CEACAM4: variants seen among roughly 807,000 people sequenced by gnomAD.
The protein encoded by CEACAM4 is cell adhesion molecule CEACAM4.
CEACAM4 carries 30 observed loss-of-function variants against 28.7 expected under a neutral mutation model. The ratio of observed to expected loss-of-function variants is 1.05; its 90% confidence interval spans 0.78 to 1.42. The LOEUF (loss-of-function observed/expected upper bound fraction) is 1.42, where lower values mean the gene tolerates loss of function less well. Ranked by LOEUF, CEACAM4 falls within the 40% of genes most tolerant of loss-of-function variation. The pLI is 0.00. For synonymous variants in CEACAM4, 143 were observed against 126.5 expected, an observed-to-expected ratio of 1.13 and a Z score of -0.87; for missense variants, 330 against 308.2, an observed-to-expected ratio of 1.07 and a Z score of -0.53.
Position 41,621,616 on chromosome 19 carries a change from A to C in CEACAM4, c.542+35T>G, listed in dbSNP as rs1555801527. ...CCTCCTCCCTGACTGGGGTCAGCCT[A>C]GGGGTGGGAGGAGGCTGGGGAAAAG... On this transcript the variant is annotated intron_variant, in intron 3 of 6. Transcript: ENST00000221954. The C allele has an allele frequency of 5.8e-6, 7 of 1,217,122 alleles. No homozygotes were observed. In the East Asian group the frequency reaches 1.6e-4, roughly 28 times the overall value. The allele number at this position is 1,217,122 out of a possible 1,614,324, so 75.4% of individuals were successfully genotyped here. A position where few individuals can be genotyped will look rare whatever the true frequency, so the allele number is the denominator to read the frequency against.
At chr19:41,619,562 T>C in intron 6 of CEACAM4, 108 bp downstream of exon 6, 2 of 1,548,444 alleles carry the variant, frequency 1.3e-6, no homozygotes, top group East Asian at 2.4e-5. Context: ...CCACCTGTTC[T>C]CATTTTCACT....
intron 2 of CEACAM4, among the ~76,000 whole-genome samples, chr19:41,624,283 C>T (rs560608399): frequency 1.1e-4 from 16 of 152,274 alleles, no homozygotes; most frequent in Admixed American, 3.3e-4. Context: ...GAGAGAACTA[C>T]GGAGTATGTG....
At chr19:41,624,681 C>T (rs1386213737) in intron 2 of CEACAM4, among the ~76,000 whole-genome samples, 1 of 152,218 alleles carries the variant, frequency 6.6e-6, no homozygotes, top group Non-Finnish European at 1.5e-5. Flanking sequence ...CCTCATGTGA[C>T]TCTGCCAGCT....
chr19:41,620,904 G>T (rs2071242329), intron 3 of CEACAM4, among the ~76,000 whole-genome samples: 2 of 152,018 alleles, frequency 1.3e-5, no homozygotes, highest in South Asian at 4.1e-4. Context: ...GACTCAGGGA[G>T]GGAATCAGAC....
At chr19:41,613,765 G>A in the CEACAM4 span, among the ~76,000 whole-genome samples, 1 of 152,112 alleles carries the variant, frequency 6.6e-6, no homozygotes, top group African/African-American at 2.4e-5. Flanking sequence ...AAGTCCCATA[G>A]GGAGGAGGTC....
At chr19:41,620,681 G>T in intron 3 of CEACAM4, 54 bp from the exon 4 acceptor site, 1 of 1,464,690 alleles carries the variant, frequency 6.8e-7, no homozygotes, top group Non-Finnish European at 9.6e-7. Context: ...ACAGGTTTAG[G>T]GGCAGAATAA....
chr19:41,624,778 G>A (rs565147219), intron 2 of CEACAM4, among the ~76,000 whole-genome samples: 3 of 152,188 alleles, frequency 2.0e-5, no homozygotes, highest in Non-Finnish European at 2.9e-5. Context: ...ATGGTCTGAG[G>A]CTTGCCACTT....
At position 41,625,872 on chromosome 19, in the gene CEACAM4, A is replaced by C. The variant is rs536954513; in HGVS notation, c.153T>G (p.Val51=). 43 of 1,613,988 alleles carry C rather than the reference A, an allele frequency of 2.7e-5. No homozygotes were observed. In the East Asian group the frequency reaches 6.5e-4, roughly 24 times the overall value. The change falls in exon 2 of 7, where the codon GTT becomes GTG. Residue 51 remains valine, a synonymous_variant. Coordinates refer to ENST00000221954, the MANE Select transcript of CEACAM4 (RefSeq NM_001817.4). The part of the protein sequence containing the change: ...LPSSAAEGKD[V]LLLACNISET... ...CTGAAATATTGCAGGCCAGTAGAAGAACATCCTTTCCCTCTGCAGCACTGG... is the reference window on the plus strand; with the variant it reads ...CTGAAATATTGCAGGCCAGTAGAAGCACATCCTTTCCCTCTGCAGCACTGG...
chr19:41,626,055 A>T (rs2071629311), intron 1 of CEACAM4, 95 bp from the exon 2 acceptor site: 1 of 1,033,272 alleles, frequency 9.7e-7, no homozygotes, highest in Non-Finnish European at 1.4e-6. Flanking sequence ...CTCATCCCTC[A>T]GCCTTGGAGT....
rs139084899 is a variant in CEACAM4, at chr19:41,620,770, G to A, written c.543-143C>T. On this transcript the variant is annotated intron_variant, in intron 3 of 6. Transcript: ENST00000221954. ...CATCAGTTTCGTGGTAGGAGCGGCCGAGGACGGGGAGCTGAGGATAGGCCT... is the reference window on the plus strand; with the variant it reads ...CATCAGTTTCGTGGTAGGAGCGGCCAAGGACGGGGAGCTGAGGATAGGCCT... 2.7e-4 allele frequency: 194 copies of A among 722,556 alleles called. 1 individual carries two copies. In the African/African-American group the frequency reaches 3.2e-3, roughly 12 times the overall value. 44.8% of individuals were successfully genotyped at this position (722,556 alleles called of 1,614,324 possible).
chr19:41,623,968 G>A (rs202212346), intron 2 of CEACAM4, among the ~76,000 whole-genome samples: 1 of 152,218 alleles, frequency 6.6e-6, no homozygotes, highest in South Asian at 2.1e-4. Flanking sequence ...CAGCCCCAGG[G>A]TCAGATGAGA....
intron 3 of CEACAM4, 136 bp from the exon 4 acceptor site, chr19:41,620,763 A>G: frequency 2.6e-6 from 2 of 755,356 alleles, no homozygotes; most frequent in South Asian, 1.5e-5. Flanking sequence ...TCGTGGTAGG[A>G]GCGGCCGAGG....
intron 3 of CEACAM4, 61 bp downstream of exon 3, chr19:41,621,590 C>T: frequency 3.3e-6 from 3 of 898,760 alleles, no homozygotes; most frequent in Non-Finnish European, 1.8e-6. Flanking sequence ...GGCGGGGTCT[C>T]CCTCCTCCCT....
chr19:41,616,902 C>T (rs991467090), downstream of CEACAM4, among the ~76,000 whole-genome samples: 1 of 152,178 alleles, frequency 6.6e-6, no homozygotes, highest in Non-Finnish European at 1.5e-5. Context: ...TGTGAGCCCC[C>T]CAAGAGACCA....
chr19:41,618,244 A>T (rs551454688), downstream of CEACAM4, among the ~76,000 whole-genome samples: 6 of 152,166 alleles, frequency 3.9e-5, no homozygotes, highest in Non-Finnish European at 8.8e-5. Context: ...GGGAGCCTGC[A>T]TGAGCTTTAG....
intron 6 of CEACAM4, 112 bp downstream of exon 6, chr19:41,619,558 G>T: frequency 6.5e-7 from 1 of 1,547,306 alleles, no homozygotes; most frequent in Non-Finnish European, 8.8e-7. Flanking sequence ...ACCACCACCT[G>T]TTCTCATTTT....
chr19:41,620,116 G>T, intron 5 of CEACAM4, 95 bp downstream of exon 5: 2 of 1,131,996 alleles, frequency 1.8e-6, no homozygotes, highest in Non-Finnish European at 2.5e-6. Context: ...GGGAAAGGTG[G>T]GTCAGTGCTG....
At chr19:41,625,276 C>G (rs1428889156) in intron 2 of CEACAM4, among the ~76,000 whole-genome samples, 1 of 152,184 alleles carries the variant, frequency 6.6e-6, no homozygotes, top group Admixed American at 6.5e-5. Context: ...TCCCAGGACG[C>G]CCTCAGGCCA....
At chr19:41,623,419 ATTTTTTT>A (rs57004828) in intron 2 of CEACAM4, among the ~76,000 whole-genome samples, 8,056 of 105,208 alleles carry the variant, frequency 0.077, 444 homozygotes, top group East Asian at 0.36. Context: ...TTCGAACTGC[ATTTTTTT>A]TTTTTTTTTT....
Sources: gnomAD v4.1 joint callset for allele counts (sites outside exome capture counted in the v4.1 genomes callset) on GRCh38, gnomAD v4.1.1 for gene constraint, MANE v1.5 for transcripts, NCBI Gene and HGNC (gene_info 2026-07-23, HGNC 2026-07-21) for gene names.